Variants in FARP1 observed in about 807,000 individuals in gnomAD.
FARP1 encodes FERM, ARHGEF and pleckstrin domain-containing protein 1.
Under a neutral mutation model 128.8 loss-of-function variants are expected in FARP1, and 52 were observed. The observed-to-expected ratio is 0.40, with a 90% CI of 0.32 to 0.51. FARP1 has a LOEUF of 0.51. Among genes scored for constraint, FARP1 ranks in the 20% least tolerant of loss-of-function variants. FARP1 has a pLI of 0.45. For missense variants in FARP1, 1,333 were observed against 1,367.9 expected, an observed-to-expected ratio of 0.97 and a Z score of 0.40; for synonymous variants, 580 against 551.8, an observed-to-expected ratio of 1.05 and a Z score of -0.72.
intron 2 of FARP1, among the ~76,000 whole-genome samples, chr13:98,220,427 A>G (rs1881349008): frequency 1.3e-5 from 2 of 152,184 alleles, no homozygotes; most frequent in African/African-American, 4.8e-5. Context: ...AAGCAGAGGG[A>G]ACTTAGCATG....
chr13:98,287,325 G>A lies in FARP1; in HGVS notation c.172-56437G>A, dbSNP rs192340660. 5.5e-3 allele frequency among the ~76,000 whole-genome samples: 785 copies of A among 143,934 alleles called. 2 individuals are homozygous for A. Among genetic ancestry groups the A allele is most frequent in the African/African-American group, 6.0e-3 (225 of 37,628 alleles). The allele number at this position is 143,934 out of a possible 152,430, so 94.4% of individuals were successfully genotyped here. A position where few individuals can be genotyped will look rare whatever the true frequency, so the allele number is the denominator to read the frequency against. On this transcript the variant is annotated intron_variant, in intron 2 of 26. Coordinates refer to ENST00000319562, the MANE Select transcript of FARP1 (RefSeq NM_005766.4). ...GGCCACTGCAACCTTCTCCTCCCGG[G>A]TTCATGCCATTCTCCTGCCTCAGCC...
At position 98,149,958 on chromosome 13, in the gene FARP1, C is replaced by T. The variant is rs149113590; in HGVS notation, c.-24+6466C>T. Among the ~76,000 whole-genome samples the T allele has an allele frequency of 2.8e-3, 424 of 151,648 alleles. 2 individuals are homozygous for T. Among genetic ancestry groups the T allele is most frequent in the African/African-American group, 9.8e-3 (406 of 41,306 alleles). On this transcript the variant is annotated intron_variant, in intron 1 of 26. Transcript: ENST00000319562. Reference sequence around the variant, plus strand: ...TTCACCATGTTAGCCAGGATGGTCTCGATCTCCTGACCTTGTGATCCGCCT... The same window carrying T: ...TTCACCATGTTAGCCAGGATGGTCTTGATCTCCTGACCTTGTGATCCGCCT...
chr13:98,428,247 C>T (rs1331372651), intron 17 of FARP1, among the ~76,000 whole-genome samples: 1 of 152,204 alleles, frequency 6.6e-6, no homozygotes, highest in African/African-American at 2.4e-5. Context: ...CACTTGCACA[C>T]ATCCATCCAG....
chr13:98,219,988 T>G (rs1881320637), intron 2 of FARP1, among the ~76,000 whole-genome samples: 1 of 152,142 alleles, frequency 6.6e-6, no homozygotes, highest in African/African-American at 2.4e-5. Flanking sequence ...TCTTAATTTC[T>G]CTTTCAGCCA....
At chr13:98,343,640 G>A in intron 2 of FARP1, 122 bp from the exon 3 acceptor site, 1 of 711,192 alleles carries the variant, frequency 1.4e-6, no homozygotes, top group Non-Finnish European at 2.5e-6. Flanking sequence ...ACGGAGGTGG[G>A]CGGTGGCAAG....
At chr13:98,243,169 C>T (rs778282179) in intron 2 of FARP1, among the ~76,000 whole-genome samples, 9 of 152,116 alleles carry the variant, frequency 5.9e-5, no homozygotes, top group South Asian at 4.1e-4. Context: ...GGTGCCACAA[C>T]GCCATAAAAA....
intron 2 of FARP1, among the ~76,000 whole-genome samples, chr13:98,252,076 G>A (rs116249361): frequency 2.0e-3 from 307 of 152,254 alleles, no homozygotes; most frequent in African/African-American, 7.1e-3. Flanking sequence ...TCAAACTCCT[G>A]ACTTCAAGTG....
chr13:98,271,064 A>G (rs1484386018), intron 2 of FARP1, among the ~76,000 whole-genome samples: 4 of 152,236 alleles, frequency 2.6e-5, no homozygotes, highest in African/African-American at 4.8e-5. Context: ...TGATGTCTCA[A>G]TAATTTCCCA....
Position 98,454,382 on chromosome 13 carries a change from G to A in FARP1, c.*6065G>A, listed in dbSNP as rs747483769. ...TCCAAATCACAGGTCCAGGAGAGATGGCTGAGGATGTCTTTGACCAGGCTT... is the reference window on the plus strand; with the variant it reads ...TCCAAATCACAGGTCCAGGAGAGATAGCTGAGGATGTCTTTGACCAGGCTT... On this transcript the variant is annotated 3_prime_UTR_variant, in exon 27 of 27. Coordinates refer to ENST00000319562, the MANE Select transcript of FARP1 (RefSeq NM_005766.4). The A allele has an allele frequency of 6.6e-6, 1 of 152,198 alleles. No homozygotes were observed. The highest frequency in any genetic ancestry group is 2.4e-5 in the African/African-American group (1 of 41,420). The allele number at this position is 152,198 out of a possible 1,614,324, so 9.4% of individuals were successfully genotyped here.
intron 2 of FARP1, among the ~76,000 whole-genome samples, chr13:98,335,063 G>A (rs1887684801): frequency 6.6e-6 from 1 of 152,098 alleles, no homozygotes; most frequent in Non-Finnish European, 1.5e-5. Context: ...AACACATTAG[G>A]TACTCCACTC....
At chr13:98,148,461 A>G (rs1188298541) in intron 1 of FARP1, among the ~76,000 whole-genome samples, 1 of 152,220 alleles carries the variant, frequency 6.6e-6, no homozygotes, top group Non-Finnish European at 1.5e-5. Flanking sequence ...CTCCTACCTT[A>G]GCATTTTGGG....
At chr13:98,309,153 CTT>C (rs56030081) in intron 2 of FARP1, among the ~76,000 whole-genome samples, 3,894 of 89,714 alleles carry the variant, frequency 0.043, 745 homozygotes, top group Middle Eastern at 0.06. Flanking sequence ...TTTAAGAGGC[CTT>C]TTTTTTTTTT....
chr13:98,366,117 A>C (rs542756090), intron 4 of FARP1, among the ~76,000 whole-genome samples: 1 of 152,274 alleles, frequency 6.6e-6, no homozygotes, highest in African/African-American at 2.4e-5. Context: ...ATGTCATCCC[A>C]AATGGCCCTT....
intron 17 of FARP1, among the ~76,000 whole-genome samples, chr13:98,427,054 G>GT (rs1312297187): frequency 6.6e-6 from 1 of 151,956 alleles, no homozygotes; most frequent in Non-Finnish European, 1.5e-5. Flanking sequence ...TACTGACAAG[G>GT]TTGACCATTA....
rs71111927 is a variant in FARP1 at position 98,165,710 on chromosome 13, G to GTTTTTTTT, written c.-24+22244_-24+22251dup. On this transcript the variant is annotated intron_variant, in intron 1 of 26. Transcript: ENST00000319562. ...AAAAAAAAAAACCCTTCCAGAAGGGGTTTTTTTTTTTTTTTTTTTTTTTTT... is the reference window on the plus strand; with the variant it reads ...AAAAAAAAAAACCCTTCCAGAAGGGGTTTTTTTTTTTTTTTTTTTTTTTTTTTTTTTTT... Among the ~76,000 whole-genome samples the GTTTTTTTT allele has an allele frequency of 9.4e-4, 70 of 74,136 alleles. 2 individuals are homozygous for GTTTTTTTT. Among genetic ancestry groups the GTTTTTTTT allele is most frequent in the East Asian group, 2.7e-3 (6 of 2,190 alleles). 48.6% of individuals were successfully genotyped at this position (74,136 alleles called of 152,430 possible).
chr13:98,431,253 A>G lies in FARP1; in HGVS notation c.2116A>G (p.Ser706Gly), dbSNP rs1241939425. Residue 706 changes from serine to glycine, a missense_variant, in exon 18 of 27, where the codon AGC (serine) becomes GGC (glycine). Physicochemically the swap from Ser to Gly is moderately conservative, Grantham distance 56. Coordinates refer to ENST00000319562, the MANE Select transcript of FARP1 (RefSeq NM_005766.4). ...GCGGCTGTGCAAACACCACCCGCCG[A>G]GCCACGCCGACTTCAGGGACTGCCG... ...LERLCKHHPP[S>G]HADFRDCRAA... 2.5e-6 allele frequency: 4 copies of G among 1,590,130 alleles called. No individual in the cohort carries two copies. In the Middle Eastern group the frequency reaches 5.3e-4, roughly 210 times the overall value.
At position 98,157,196 on chromosome 13, in the gene FARP1, G is replaced by A. The variant is rs145801651; in HGVS notation, c.-24+13704G>A. Among the ~76,000 whole-genome samples the A allele has an allele frequency of 2.4e-3, 365 of 152,294 alleles. 1 individual carries two copies. Among genetic ancestry groups the A allele is most frequent in the African/African-American group, 7.9e-3 (328 of 41,562 alleles). On this transcript the variant is annotated intron_variant, in intron 1 of 26. Transcript: ENST00000319562. ...AGTCAAGAAAAGTTTTGGTTTTAAA[G>A]TGATCATTGTGTGAGATCATGTTAC... is the stretch of plus-strand genomic sequence containing the variant.
chr13:98,335,524 C>T (rs1887703170), intron 2 of FARP1, among the ~76,000 whole-genome samples: 1 of 152,144 alleles, frequency 6.6e-6, no homozygotes, highest in African/African-American at 2.4e-5. Context: ...ATCTACAATT[C>T]AAGATGAGAT....
chr13:98,149,074 G>A (rs1474447372), intron 1 of FARP1, among the ~76,000 whole-genome samples: 4 of 152,072 alleles, frequency 2.6e-5, no homozygotes, highest in Non-Finnish European at 5.9e-5. Context: ...TTTTACTAGA[G>A]ATGGGGTTTT....
Sources: gnomAD v4.1 joint callset for allele counts (sites outside exome capture counted in the v4.1 genomes callset) on GRCh38, gnomAD v4.1.1 for gene constraint, MANE v1.5 for transcripts, NCBI Gene and HGNC (gene_info 2026-07-23, HGNC 2026-07-21) for gene names.